The following JAKMIP1 variants were observed in gnomAD, a reference collection of about 807,000 sequenced individuals.
JAKMIP1 encodes the protein janus kinase and microtubule interacting protein 1, also known as janus kinase and microtubule-interacting protein 1.
In JAKMIP1, 33 loss-of-function variants were observed where a neutral mutation model predicts 113.0. The observed-to-expected ratio is 0.29, with a 90% CI of 0.22 to 0.39. JAKMIP1 has a LOEUF of 0.39. Ranked by LOEUF, JAKMIP1 falls within the 10% of genes least tolerant of loss-of-function variation. The pLI is 1.00. For synonymous variants in JAKMIP1, 480 were observed against 459.9 expected, an observed-to-expected ratio of 1.04 and a Z score of -0.56; for missense variants, 813 against 1,080.5, an observed-to-expected ratio of 0.75 and a Z score of 3.47.
chr4:6,053,399 T>C (rs1346364983), intron 13 of JAKMIP1, among the ~76,000 whole-genome samples: 5 of 152,246 alleles, frequency 3.3e-5, no homozygotes, highest in Admixed American at 3.3e-4. Context: ...TAGTCCAATA[T>C]TGCTGCAATG....
chr4:6,066,226 A>G (rs897357041), intron 8 of JAKMIP1, among the ~76,000 whole-genome samples: 3 of 152,086 alleles, frequency 2.0e-5, no homozygotes, highest in African/African-American at 7.2e-5. Flanking sequence ...TTACCCAGAT[A>G]TCTGTAAATG....
At chr4:6,100,149 T>C (rs1712759597) in intron 3 of JAKMIP1, among the ~76,000 whole-genome samples, 1 of 152,250 alleles carries the variant, frequency 6.6e-6, no homozygotes, top group African/African-American at 2.4e-5. Flanking sequence ...CGCCGATTTT[T>C]AGTAAGTCTT....
At chr4:6,060,335 G>T in intron 11 of JAKMIP1, 89 bp downstream of exon 11, 1 of 959,610 alleles carries the variant, frequency 1.0e-6, no homozygotes, top group Non-Finnish European at 1.7e-6. Flanking sequence ...CCCACAGAAT[G>T]TCCCCCTTGG....
Position 6,156,127 on chromosome 4 carries a change from C to A in JAKMIP1, c.-147-43130G>T, listed in dbSNP as rs1286476711. 6.6e-6 allele frequency among the ~76,000 whole-genome samples: 1 copy of A among 152,186 alleles called. No homozygotes were observed. The highest frequency in any genetic ancestry group is 2.4e-5 in the African/African-American group (1 of 41,440). The stretch of plus-strand genomic sequence containing the variant: ...CTGTTGGCATTTCTAAATACCTGAC[C>A]CATCTGTGTGTTTCTTGGGAGCAGA... On this transcript the variant is annotated intron_variant, in intron 1 of 20. Transcript: ENST00000409021. This position sits in a 1 kb window ranked among gnomAD's most constrained non-coding sequence, Gnocchi z 5.0.
At chr4:6,100,176 T>C (rs989405018) in intron 3 of JAKMIP1, among the ~76,000 whole-genome samples, 1 of 152,240 alleles carries the variant, frequency 6.6e-6, no homozygotes, top group African/African-American at 2.4e-5. Context: ...TGTGGAGCCA[T>C]CATTATAATC....
chr4:6,186,990 G>A lies in JAKMIP1; in HGVS notation c.-148+13263C>T, dbSNP rs1290904041. Among the ~76,000 whole-genome samples the A allele has an allele frequency of 2.0e-5, 3 of 151,982 alleles. No homozygotes were observed. Among genetic ancestry groups the A allele is most frequent in the Non-Finnish European group, 2.9e-5 (2 of 68,002 alleles). On this transcript the variant is annotated intron_variant, in intron 1 of 20. Coordinates refer to ENST00000409021, the MANE Select transcript of JAKMIP1 (RefSeq NM_001099433.2). The surrounding 1 kb of genome is among the most constrained non-coding windows in gnomAD (Gnocchi z 5.5). ...ACTACAGACACACAACACCATGCCTGGCTAATTTTGTATTTTTTTTGTAGA... is the reference window on the plus strand; with the variant it reads ...ACTACAGACACACAACACCATGCCTAGCTAATTTTGTATTTTTTTTGTAGA...
At position 6,086,134 on chromosome 4, in the gene JAKMIP1, C is replaced by A. The variant is rs183641210; in HGVS notation, c.625-505G>T. 1.8e-3 allele frequency among the ~76,000 whole-genome samples: 274 copies of A among 152,224 alleles called. 2 individuals carry two copies. Among genetic ancestry groups the A allele is most frequent in the African/African-American group, 6.3e-3 (261 of 41,522 alleles). On this transcript the variant is annotated intron_variant, in intron 3 of 20. Coordinates refer to ENST00000409021, the MANE Select transcript of JAKMIP1 (RefSeq NM_001099433.2). The surrounding 1 kb of genome is among the most constrained non-coding windows in gnomAD (Gnocchi z 4.1). ...GAACCCACCGGACAACGTTGTCCTC[C>A]CGCCCTGACTCCGTCACCCACTCCC...
intron 1 of JAKMIP1, among the ~76,000 whole-genome samples, chr4:6,125,137 TGC>T (rs915638194): frequency 6.6e-6 from 1 of 152,120 alleles, no homozygotes; most frequent in Non-Finnish European, 1.5e-5. Flanking sequence ...GGGGGATGTG[TGC>T]GTTTCTGCAT....
intron 1 of JAKMIP1, among the ~76,000 whole-genome samples, chr4:6,195,457 T>A (rs775644661): frequency 6.6e-6 from 1 of 152,212 alleles, no homozygotes. Flanking sequence ...AAAAATATTT[T>A]AAAAAATGAT....
At chr4:6,090,554 G>A (rs1015791888) in intron 3 of JAKMIP1, among the ~76,000 whole-genome samples, 2 of 152,172 alleles carry the variant, frequency 1.3e-5, no homozygotes, top group Non-Finnish European at 2.9e-5. Flanking sequence ...AGAAGCCACA[G>A]GCCACGCAGT....
At chr4:6,091,937 C>T (rs888444801) in intron 3 of JAKMIP1, among the ~76,000 whole-genome samples, 1 of 152,156 alleles carries the variant, frequency 6.6e-6, no homozygotes, top group South Asian at 2.1e-4. Flanking sequence ...GCAGAGGGCC[C>T]CCAGCCCCAG....
Position 6,188,550 on chromosome 4 carries a change from A to G in JAKMIP1, c.-148+11703T>C, listed in dbSNP as rs540340063. ...ACTTGACCTCTTAGCATACCCCCAA[A>G]GCCCTCTGCTCACTCACAATGATGA... On this transcript the variant is annotated intron_variant, in intron 1 of 20. Transcript: ENST00000409021. This position sits in a 1 kb window ranked among gnomAD's most constrained non-coding sequence, Gnocchi z 5.8. Among the ~76,000 whole-genome samples, 178 of 152,246 alleles carry G rather than the reference A, an allele frequency of 1.2e-3. No individual in the cohort carries two copies. Among genetic ancestry groups the G allele is most frequent in the South Asian group, 5.6e-3 (27 of 4,812 alleles).
At chr4:6,038,968 A>G (rs1713942471) in intron 18 of JAKMIP1, among the ~76,000 whole-genome samples, 1 of 152,370 alleles carries the variant, frequency 6.6e-6, no homozygotes, top group African/African-American at 2.4e-5. Flanking sequence ...TGGCCCCAGC[A>G]TGGACACATG....
In JAKMIP1 at chr4:6,197,200, G is replaced by T. The variant is rs1468822227; in HGVS notation, c.-148+3053C>A. On this transcript the variant is annotated intron_variant, in intron 1 of 20. Coordinates refer to ENST00000409021, the MANE Select transcript of JAKMIP1 (RefSeq NM_001099433.2). The surrounding 1 kb of genome is among the most constrained non-coding windows in gnomAD (Gnocchi z 6.5). The stretch of plus-strand genomic sequence containing the variant: ...ACAGGGGCTAAGCGACTTGCCCAAC[G>T]TCACACTGTCAGTAGGGTGGGAGCT... Among the ~76,000 whole-genome samples, 1 of 152,172 alleles carries T rather than the reference G, an allele frequency of 6.6e-6. No homozygotes were observed. Among genetic ancestry groups the T allele is most frequent in the Admixed American group, 6.5e-5 (1 of 15,284 alleles).
In JAKMIP1 at chr4:6,085,759, A is replaced by G. The variant is rs1386162671; in HGVS notation, c.625-130T>C. 8 of 757,092 alleles carry G rather than the reference A, an allele frequency of 1.1e-5. No homozygotes were observed. The African/African-American group carries it at 1.2e-4, about 12-fold the overall frequency. The allele number at this position is 757,092 out of a possible 1,614,324, so 46.9% of individuals were successfully genotyped here. On this transcript the variant is annotated intron_variant, in intron 3 of 20. Transcript: ENST00000409021. ...CGGGCCTGGGTCAACTGAATTCAGT[A>G]AACTCCAGACACAGAGCAAGCACAG...
At chr4:6,177,188 G>T (rs976709583) in intron 1 of JAKMIP1, among the ~76,000 whole-genome samples, 4 of 152,104 alleles carry the variant, frequency 2.6e-5, no homozygotes, top group African/African-American at 9.7e-5. Flanking sequence ...TTCCCAAAGG[G>T]AAAAAACACT....
rs1433202485 is a variant in JAKMIP1, at chr4:6,140,018, T to C, written c.-147-27021A>G. Among the ~76,000 whole-genome samples the C allele has an allele frequency of 1.3e-5, 2 of 151,976 alleles. No individual in the cohort carries two copies. Among genetic ancestry groups the C allele is most frequent in the Non-Finnish European group, 2.9e-5 (2 of 67,998 alleles). On this transcript the variant is annotated intron_variant, in intron 1 of 20. Coordinates refer to ENST00000409021, the MANE Select transcript of JAKMIP1 (RefSeq NM_001099433.2). This position sits in a 1 kb window ranked among gnomAD's most constrained non-coding sequence, Gnocchi z 9.4. ...ATCTCAGACTTCCAGCCTCCAGAAC[T>C]AAGAGACCATCCGTTTGTCTTGTGT...
rs1263695704 is a variant in JAKMIP1, at chr4:6,030,159, G to T, written c.2380-378C>A. On this transcript the variant is annotated intron_variant, in intron 19 of 20. Coordinates refer to ENST00000409021, the MANE Select transcript of JAKMIP1 (RefSeq NM_001099433.2). The stretch of plus-strand genomic sequence containing the variant: ...CTGGACCAAAACATGTAGGCACCCT[G>T]AGCAGCTAATAAAGGTCATGGGTGG... Among the ~76,000 whole-genome samples the T allele has an allele frequency of 2.0e-5, 3 of 152,078 alleles. No individual in the cohort carries two copies. In the East Asian group the frequency reaches 5.8e-4, roughly 29 times the overall value.
At chr4:6,072,036 A>C (rs1043704861) in intron 8 of JAKMIP1, among the ~76,000 whole-genome samples, 7 of 152,242 alleles carry the variant, frequency 4.6e-5, no homozygotes, top group African/African-American at 1.4e-4. Flanking sequence ...TTTTGTTCCT[A>C]AGCAGAGAGC....
Sources: gnomAD v4.1 joint callset for allele counts (sites outside exome capture counted in the v4.1 genomes callset) on GRCh38, gnomAD v4.1.1 for gene constraint, Gnocchi (gnomAD v3.1) non-coding constraint, MANE v1.5 for transcripts, NCBI Gene and HGNC (gene_info 2026-07-23, HGNC 2026-07-21) for gene names.